The following SNAP29 variants were observed in gnomAD, a reference collection of about 807,000 sequenced individuals.
SNAP29 encodes synaptosome associated protein 29, also known as synaptosomal-associated protein 29.
In SNAP29, 13 loss-of-function variants were observed where a neutral mutation model predicts 27.9. The ratio of observed to expected loss-of-function variants is 0.47; its 90% CI spans 0.30 to 0.74. The LOEUF (loss-of-function observed/expected upper bound fraction) is 0.74. SNAP29 is among the 30% of genes least tolerant of loss of function. The pLI is 0.06. For missense variants in SNAP29, 368 were observed against 336.5 expected, an observed-to-expected ratio of 1.09 and a Z score of -0.73; for synonymous variants, 119 against 127.1, an observed-to-expected ratio of 0.94 and a Z score of 0.43.
rs1239414391 is a variant in SNAP29, at chr22:20,891,040, A to T, written c.*3204A>T. 6.6e-6 allele frequency: 1 copy of T among 152,038 alleles called. No homozygotes were observed. The highest frequency in any genetic ancestry group is 1.5e-5 in the Non-Finnish European group (1 of 68,024). 9.4% of individuals were successfully genotyped at this position (152,038 alleles called of 1,614,324 possible). ...CAGTGAGCCAAGGCGACAGAGCAAGACTCTGTCTCAAAAAATAAAAAATAG... is the reference window on the plus strand; with the variant it reads ...CAGTGAGCCAAGGCGACAGAGCAAGTCTCTGTCTCAAAAAATAAAAAATAG... On this transcript the variant is annotated 3_prime_UTR_variant, in exon 5 of 5. Transcript: ENST00000215730.
intron 2 of SNAP29, among the ~76,000 whole-genome samples, 159 bp from the exon 3 acceptor site, chr22:20,880,890 G>T (rs1928875287): frequency 6.6e-6 from 1 of 152,132 alleles, no homozygotes; most frequent in Non-Finnish European, 1.5e-5. Flanking sequence ...CTGTGCTCCT[G>T]GGAGAAGCTG....
intron 2 of SNAP29, among the ~76,000 whole-genome samples, chr22:20,878,788 A>G (rs909860654): frequency 1.3e-4 from 20 of 152,130 alleles, no homozygotes; most frequent in Admixed American, 5.2e-4. Flanking sequence ...GGGGAGGCAC[A>G]GCTCCCAGCT....
At chr22:20,882,671 C>G (rs536142775) in intron 3 of SNAP29, among the ~76,000 whole-genome samples, 37 of 152,206 alleles carry the variant, frequency 2.4e-4, no homozygotes, top group African/African-American at 8.4e-4. Context: ...CTCATCACAC[C>G]CTGGAGAAGG....
intron 2 of SNAP29, chr22:20,870,996 G>T (rs896405036): frequency 4.2e-5 from 12 of 283,300 alleles, no homozygotes; most frequent in South Asian, 4.2e-4. Context: ...AGGCATTGTG[G>T]TGCACACCTG....
chr22:20,883,377 A>T (rs1928933202), intron 3 of SNAP29, 94 bp from the exon 4 acceptor site: 1 of 856,170 alleles, frequency 1.2e-6, no homozygotes, highest in African/African-American at 1.7e-5. Flanking sequence ...CGTTCCTTCC[A>T]CCCATTTTCC....
At chr22:20,859,762 A>G (rs1928196156) in intron 1 of SNAP29, 4 of 244,564 alleles carry the variant, frequency 1.6e-5, no homozygotes, top group South Asian at 4.4e-5. Flanking sequence ...AGTGAGCCAG[A>G]AAGAGAGGAC....
intron 2 of SNAP29, among the ~76,000 whole-genome samples, chr22:20,875,980 T>C (rs1417226251): frequency 6.6e-6 from 1 of 151,636 alleles, no homozygotes; most frequent in Non-Finnish European, 1.5e-5. Context: ...GCTAACACGG[T>C]GAAACCCCGT....
Position 20,859,254 on chromosome 22 carries a change from G to A in SNAP29, c.144G>A (p.Glu48=), listed in dbSNP as rs573789289. 6 of 1,605,490 alleles carry A rather than the reference G, an allele frequency of 3.7e-6. No homozygotes were observed. The highest frequency in any genetic ancestry group is 1.7e-5 in the Admixed American group (1 of 58,244). ...ACAGGCAGCAGTACTTGCGGCAGGAGGTCCTCCGCAGGGCTGAGGCCACGG... is the reference window on the plus strand; with the variant it reads ...ACAGGCAGCAGTACTTGCGGCAGGAAGTCCTCCGCAGGGCTGAGGCCACGG... ...PADRQQYLRQ[E]VLRRAEATAA... is the part of the protein sequence containing the mutation. The change falls in exon 1 of 5, where the codon GAG becomes GAA. Residue 48 remains glutamate, a synonymous_variant. Transcript: ENST00000215730.
intron 2 of SNAP29, among the ~76,000 whole-genome samples, chr22:20,880,456 A>C (rs1928863346): frequency 6.6e-6 from 1 of 151,846 alleles, no homozygotes; most frequent in South Asian, 2.1e-4. Context: ...CAGTGAGCCA[A>C]GATCACGCCA....
chr22:20,861,435 T>G (rs1309495300), intron 1 of SNAP29, among the ~76,000 whole-genome samples: 1 of 151,890 alleles, frequency 6.6e-6, no homozygotes, highest in Non-Finnish European at 1.5e-5. Context: ...TAACTGTTGG[T>G]TTTTTATTTT....
In SNAP29 at chr22:20,870,375, G is replaced by A. The variant is rs1928560723; in HGVS notation, c.276G>A (p.Glu92=). Residue 92 remains glutamate (E), a synonymous_variant, in exon 2 of 5, where the codon GAG becomes GAA. Transcript: ENST00000215730. ...AGCGAGGAGTCCTGGAGCGCACAGA[G>A]AAGATGGTGGACAAGATGGACCAAG... is the stretch of plus-strand genomic sequence containing the variant. ...ARQRGVLERT[E]KMVDKMDQDL... 2 of 1,614,194 alleles carry A rather than the reference G, an allele frequency of 1.2e-6. No individual in the cohort carries two copies. Among genetic ancestry groups the A allele is most frequent in the East Asian group, 4.5e-5 (2 of 44,882 alleles).
chr22:20,882,455 C>T (rs944617345), intron 3 of SNAP29, among the ~76,000 whole-genome samples: 2 of 152,070 alleles, frequency 1.3e-5, no homozygotes, highest in African/African-American at 4.8e-5. Flanking sequence ...TGCTAGAAAC[C>T]AAAGGCTTAC....
intron 4 of SNAP29, among the ~76,000 whole-genome samples, chr22:20,886,460 C>A (rs373740854): frequency 1.4e-5 from 2 of 147,518 alleles, no homozygotes; most frequent in African/African-American, 5.0e-5. Flanking sequence ...AGGTGTGCAC[C>A]ACCATGCCCA....
At chr22:20,883,703 C>T in intron 4 of SNAP29, 134 bp downstream of exon 4, 1 of 719,522 alleles carries the variant, frequency 1.4e-6, no homozygotes, top group East Asian at 2.6e-5. Context: ...AAGCTGGGTC[C>T]ATCTTGCCAC....
At chr22:20,864,664 T>A (rs144522112) in intron 1 of SNAP29, among the ~76,000 whole-genome samples, 1 of 152,082 alleles carries the variant, frequency 6.6e-6, no homozygotes, top group African/African-American at 2.4e-5. Flanking sequence ...TTCCTCAAAT[T>A]TGTAAATGTC....
At chr22:20,877,527 G>T (rs1201497262) in intron 2 of SNAP29, among the ~76,000 whole-genome samples, 1 of 152,002 alleles carries the variant, frequency 6.6e-6, no homozygotes, top group African/African-American at 2.4e-5. Flanking sequence ...TTGTACCCCA[G>T]CCTGGGCAAC....
intron 2 of SNAP29, among the ~76,000 whole-genome samples, chr22:20,878,163 G>A (rs1928792544): frequency 6.6e-6 from 1 of 152,204 alleles, no homozygotes. Context: ...GCTTTAGAAA[G>A]ATGCGCAGCA....
Position 20,889,092 on chromosome 22 carries a change from A to G in SNAP29, c.*1256A>G, listed in dbSNP as rs1272986008. The G allele has an allele frequency of 1.3e-5, 2 of 152,198 alleles. No homozygotes were observed. Among genetic ancestry groups the G allele is most frequent in the African/African-American group, 4.8e-5 (2 of 41,466 alleles). 9.4% of individuals were successfully genotyped at this position (152,198 alleles called of 1,614,324 possible). A position where few individuals can be genotyped will look rare whatever the true frequency, so the allele number is the denominator to read the frequency against. On this transcript the variant is annotated 3_prime_UTR_variant, in exon 5 of 5. Transcript: ENST00000215730. ...GCCCTTGTCTTTTTAAAAAAACAAAATATTTTGAAGATGGTGAAAGTGACT... is the reference window on the plus strand; with the variant it reads ...GCCCTTGTCTTTTTAAAAAAACAAAGTATTTTGAAGATGGTGAAAGTGACT...
chr22:20,875,805 T>G (rs1348513195), intron 2 of SNAP29, among the ~76,000 whole-genome samples: 2 of 151,892 alleles, frequency 1.3e-5, no homozygotes, highest in Non-Finnish European at 2.9e-5. Flanking sequence ...CATAAAAAAT[T>G]TTTAAAGCTG....
Sources: allele counts gnomAD v4.1 joint callset (sites outside exome capture counted in the v4.1 genomes callset), GRCh38; gene constraint gnomAD v4.1.1; transcripts MANE v1.5; gene names NCBI Gene and HGNC (gene_info 2026-07-23, HGNC 2026-07-21).